FER: variants seen among roughly 807,000 people sequenced by gnomAD.
FER encodes tyrosine-protein kinase Fer.
FER carries 63 observed loss-of-function variants against 111.0 expected under a neutral mutation model. The observed-to-expected ratio is 0.57, with a 90% confidence interval of 0.46 to 0.70. The LOEUF is 0.70. FER is among the 30% of genes least tolerant of loss of function. The pLI, the probability that FER is intolerant of heterozygous loss-of-function variation, is 0.00. For missense variants in FER, 914 were observed against 954.0 expected (o/e 0.96, Z 0.55); for synonymous variants, 327 against 313.9 (o/e 1.04, Z -0.44).
intron 5 of FER, among the ~76,000 whole-genome samples, chr5:108,865,630 C>A (rs897868713): frequency 4.6e-5 from 7 of 152,144 alleles, no homozygotes; most frequent in African/African-American, 1.7e-4. Context: ...AAGAAACCTA[C>A]CATCAGATTG....
intron 13 of FER, among the ~76,000 whole-genome samples, chr5:108,962,936 A>C (rs1333212098): frequency 6.6e-6 from 1 of 152,232 alleles, no homozygotes; most frequent in African/African-American, 2.4e-5. Flanking sequence ...AGGCTAAAAT[A>C]AACTGTTTAA....
chr5:109,155,553 C>G (rs946348152), intron 17 of FER, among the ~76,000 whole-genome samples: 1 of 151,818 alleles, frequency 6.6e-6, no homozygotes, highest in Non-Finnish European at 1.5e-5. Flanking sequence ...AAAAGAAAAC[C>G]TGCAAGTGAG....
At chr5:108,798,421 A>G (rs775662846) in intron 3 of FER, 32 bp downstream of exon 3, 22 of 1,523,782 alleles carry the variant, frequency 1.4e-5, no homozygotes, top group Admixed American at 3.4e-5. Flanking sequence ...TTTGTTATTT[A>G]TAACATTATA....
chr5:108,924,755 C>T, intron 10 of FER: 3 of 1,232,070 alleles, frequency 2.4e-6, no homozygotes, highest in Non-Finnish European at 3.0e-6. Context: ...ATGTTCAGCT[C>T]TGAGCCTTCC....
At chr5:109,065,662 A>T (rs1775004475) in intron 16 of FER, among the ~76,000 whole-genome samples, 3 of 152,320 alleles carry the variant, frequency 2.0e-5, no homozygotes, top group Admixed American at 1.3e-4. Flanking sequence ...TCACAAATTC[A>T]TTATGAAGGA....
chr5:108,799,915 T>C (rs1756446387), intron 3 of FER, among the ~76,000 whole-genome samples: 1 of 151,350 alleles, frequency 6.6e-6, no homozygotes, highest in Non-Finnish European at 1.5e-5. Context: ...CAATCTTGGC[T>C]CACTAAAACC....
intron 13 of FER, among the ~76,000 whole-genome samples, chr5:109,035,461 A>G (rs988494674): frequency 6.6e-6 from 1 of 152,192 alleles, no homozygotes; most frequent in Non-Finnish European, 1.5e-5. Flanking sequence ...TGTTGTATGC[A>G]TCTGTAGTAA....
At chr5:109,151,250 C>A (rs776965841) in intron 17 of FER, among the ~76,000 whole-genome samples, 18 of 152,040 alleles carry the variant, frequency 1.2e-4, no homozygotes, top group Non-Finnish European at 1.9e-4. Flanking sequence ...GACACAAGAA[C>A]TGGAATCATA....
chr5:108,942,776 G>T (rs545808097), intron 10 of FER, among the ~76,000 whole-genome samples: 31 of 152,030 alleles, frequency 2.0e-4, no homozygotes, highest in Non-Finnish European at 3.7e-4. Flanking sequence ...TTTTCAGAAG[G>T]TAGTCTTCTC....
At chr5:108,856,979 A>T (rs905224224) in intron 5 of FER, among the ~76,000 whole-genome samples, 7 of 152,134 alleles carry the variant, frequency 4.6e-5, no homozygotes, top group Admixed American at 4.6e-4. Context: ...TAAAATTTTG[A>T]TCCAATTTTC....
chr5:108,927,574 T>A (rs1382575705), intron 10 of FER, among the ~76,000 whole-genome samples: 1 of 152,192 alleles, frequency 6.6e-6, no homozygotes, highest in African/African-American at 2.4e-5. Context: ...TGGCTCTTAA[T>A]GTGGGCTTTA....
At chr5:108,801,471 C>G (rs1756638959) in intron 3 of FER, among the ~76,000 whole-genome samples, 1 of 152,134 alleles carries the variant, frequency 6.6e-6, no homozygotes, top group Non-Finnish European at 1.5e-5. Flanking sequence ...TCTAATATCC[C>G]CAGTAGATGC....
chr5:108,806,319 G>T (rs151138335), intron 3 of FER, among the ~76,000 whole-genome samples: 80 of 152,348 alleles, frequency 5.3e-4, no homozygotes, highest in African/African-American at 1.8e-3. Flanking sequence ...TGCCACAGGG[G>T]TGGGGCTCTC....
At chr5:108,882,710 C>G (rs1037484465) in intron 8 of FER, among the ~76,000 whole-genome samples, 10 of 151,538 alleles carry the variant, frequency 6.6e-5, no homozygotes, top group African/African-American at 2.4e-4. Flanking sequence ...GGTTTCATGT[C>G]TTGCTTTGAA....
chr5:108,761,206 G>A (rs1336614022), intron 1 of FER, among the ~76,000 whole-genome samples: 1 of 152,154 alleles, frequency 6.6e-6, no homozygotes, highest in Non-Finnish European at 1.5e-5. Context: ...GGGATTACAG[G>A]TGTGAGCCAC....
chr5:109,082,576 C>G (rs1028227994), intron 16 of FER, among the ~76,000 whole-genome samples: 1 of 151,804 alleles, frequency 6.6e-6, no homozygotes, highest in Non-Finnish European at 1.5e-5. Context: ...ATTAAACATA[C>G]GAAAGACAAA....
intron 16 of FER, among the ~76,000 whole-genome samples, chr5:109,054,103 A>G (rs1048490197): frequency 6.6e-6 from 1 of 152,176 alleles, no homozygotes; most frequent in African/African-American, 2.4e-5. Flanking sequence ...ACATTCCTGT[A>G]CAAGCCTTCA....
intron 17 of FER, among the ~76,000 whole-genome samples, chr5:109,139,866 A>G (rs900203549): frequency 5.9e-5 from 9 of 152,302 alleles, no homozygotes; most frequent in African/African-American, 1.7e-4. Flanking sequence ...AGCTGACAGG[A>G]TCTACACCGT....
intron 2 of FER, among the ~76,000 whole-genome samples, chr5:108,776,250 G>C (rs962057188): frequency 6.6e-6 from 1 of 152,008 alleles, no homozygotes; most frequent in Non-Finnish European, 1.5e-5. Flanking sequence ...TTTTATTCAC[G>C]TATTTCTGAT....
Sources: gnomAD v4.1 joint callset for allele counts (sites outside exome capture counted in the v4.1 genomes callset) on GRCh38, gnomAD v4.1.1 for gene constraint, MANE v1.5 for transcripts, NCBI Gene and HGNC (gene_info 2026-07-23, HGNC 2026-07-21) for gene names.